SPTA1: variants seen among roughly 807,000 people sequenced by gnomAD.
SPTA1 encodes spectrin alpha, erythrocytic 1.
SPTA1 carries 177 observed loss-of-function variants against 324.7 expected under a neutral mutation model. The ratio of observed to expected loss-of-function variants is 0.55; its 90% CI spans 0.48 to 0.62. The LOEUF (loss-of-function observed/expected upper bound fraction) is 0.62, where lower values mean the gene tolerates loss of function less well. SPTA1 is among the 20% of genes least tolerant of loss of function. SPTA1 has a pLI of 0.00. For synonymous variants in SPTA1, 1,195 were observed against 1,041.3 expected, an observed-to-expected ratio of 1.15 and a Z score of -2.84; for missense variants, 3,162 against 2,883.6, an observed-to-expected ratio of 1.10 and a Z score of -2.21.
At chr1:158,635,851 C>T (rs1333085047) in intron 38 of SPTA1, 62 bp downstream of exon 38, 1 of 1,613,046 alleles carries the variant, frequency 6.2e-7, no homozygotes, top group East Asian at 2.2e-5. Flanking sequence ...TAAGTATCCT[C>T]CCAACACCTG....
Position 158,676,058 on chromosome 1 carries a change from C to T in SPTA1, c.1112+83G>A, listed in dbSNP as rs1029971343. The T allele has an allele frequency of 6.9e-6, 11 of 1,584,158 alleles. No individual in the cohort carries two copies. In the Admixed American group the frequency reaches 1.8e-4, roughly 27 times the overall value. ...GAGCTGATTCTCTCGCTATTTGACT[C>T]CCTTTACTCTTATTTCTTCTCTCGC... On this transcript the variant is annotated intron_variant, in intron 8 of 51. Coordinates refer to ENST00000643759, the MANE Select transcript of SPTA1 (RefSeq NM_003126.4).
At chr1:158,634,698 A>T in intron 38 of SPTA1, 23 bp from the exon 39 acceptor site, 1 of 1,613,864 alleles carries the variant, frequency 6.2e-7, no homozygotes, top group Non-Finnish European at 8.5e-7. Context: ...GGCAAGCCCC[A>T]GTGAGGATAA....
intron 15 of SPTA1, among the ~76,000 whole-genome samples, chr1:158,667,581 A>C (rs1653699983): frequency 6.6e-6 from 1 of 152,216 alleles, no homozygotes; most frequent in Non-Finnish European, 1.5e-5. Flanking sequence ...GAAAAAAGTG[A>C]GGAAAACAAA....
At chr1:158,618,236 C>T (rs1649697773) in intron 45 of SPTA1, 180 bp from the exon 46 acceptor site, 1 of 639,648 alleles carries the variant, frequency 1.6e-6, no homozygotes, top group African/African-American at 1.8e-5. Context: ...CTGAGAAGAT[C>T]AGAGTCTCCC....
rs1362086573 is a variant in SPTA1, at chr1:158,620,330, T to C, written c.6257A>G (p.Glu2086Gly). The C allele has an allele frequency of 2.5e-6, 4 of 1,613,992 alleles. No homozygotes were observed. Among genetic ancestry groups the C allele is most frequent in the Non-Finnish European group, 1.7e-6 (2 of 1,180,030 alleles). Residue 2086 changes from glutamate (E) to glycine (G), a missense_variant, in exon 44 of 52, where the codon GAG becomes GGG. Glu to Gly is a moderately conservative substitution (Grantham distance 98). Transcript: ENST00000643759. ...CCTAGCCAGGGAGGCCAAGAAGTCCTCATGGTCTTTCTGCAGCTGCCGAAT... is the reference window on the plus strand; with the variant it reads ...CCTAGCCAGGGAGGCCAAGAAGTCCCCATGGTCTTTCTGCAGCTGCCGAAT... ...NEIRQLQKDHEDFLASLARAQ... is the reference protein window; with the variant it reads ...NEIRQLQKDHGDFLASLARAQ...
chr1:158,651,981 A>G (rs573202060), intron 23 of SPTA1, among the ~76,000 whole-genome samples: 68 of 152,042 alleles, frequency 4.5e-4, no homozygotes, highest in Non-Finnish European at 7.4e-4. Context: ...GAAAAGAAGG[A>G]ATGTACACTC....
intron 25 of SPTA1, among the ~76,000 whole-genome samples, chr1:158,648,986 C>A (rs1652213025): frequency 1.3e-5 from 2 of 152,150 alleles, no homozygotes; most frequent in African/African-American, 4.8e-5. Flanking sequence ...ACATGCTTAA[C>A]CATCATATTT....
chr1:158,612,162 G>A (rs1649295218), intron 51 of SPTA1: 1 of 154,914 alleles, frequency 6.5e-6, no homozygotes, highest in Non-Finnish European at 1.4e-5. Flanking sequence ...TTAGGTATTA[G>A]GAAAATCTGT....
chr1:158,664,041 TA>T (rs34620822), intron 16 of SPTA1, among the ~76,000 whole-genome samples: 49,344 of 151,962 alleles, frequency 0.32, 11,186 homozygotes, highest in African/African-American at 0.65. Flanking sequence ...CACTTCTCCA[TA>T]AAAAAATTAA....
At position 158,649,859 on chromosome 1, in the gene SPTA1, T is replaced by C. The variant is rs1234350008; in HGVS notation, c.3566A>G (p.His1189Arg). The C allele has an allele frequency of 6.2e-7, 1 of 1,613,150 alleles. No homozygotes were observed. The highest frequency in any genetic ancestry group is 8.5e-7 in the Non-Finnish European group (1 of 1,179,304). ...LGSAHAVEVF[H>R]READDTKEQI... Reference sequence around the variant, plus strand: ...TTTTTAGAGTTATAATTATTACCTGTGAAACACTTCAACAGCATGGGCACT... The same window carrying C: ...TTTTTAGAGTTATAATTATTACCTGCGAAACACTTCAACAGCATGGGCACT... The change falls in exon 25 of 52, where the codon CAC (histidine) becomes CGC (arginine). Residue 1189 changes from histidine to arginine, a missense_variant. Physicochemically the swap from His to Arg is conservative, Grantham distance 29. Coordinates refer to ENST00000643759, the MANE Select transcript of SPTA1 (RefSeq NM_003126.4).
In SPTA1 at chr1:158,681,554, A is replaced by G; in HGVS notation, c.504T>C (p.Ala168=). 3 of 1,613,762 alleles carry G rather than the reference A, an allele frequency of 1.9e-6. No individual in the cohort carries two copies. Among genetic ancestry groups the G allele is most frequent in the African/African-American group, 1.3e-5 (1 of 75,016 alleles). Residue 168 remains alanine, a synonymous_variant, in exon 4 of 52, where the codon GCT becomes GCC. Coordinates refer to ENST00000643759, the MANE Select transcript of SPTA1 (RefSeq NM_003126.4). ...TGTCTCCAATCCACTCTAAGATGTC[A>G]GCACACTCCTGTACATACTGCTGGA... ...LKFQQYVQEC[A]DILEWIGDKE... is the part of the protein sequence containing the mutation.
intron 6 of SPTA1, 124 bp downstream of exon 6, chr1:158,678,277 T>C (rs1654538521): frequency 1.5e-6 from 2 of 1,322,818 alleles, no homozygotes; most frequent in African/African-American, 2.9e-5. Context: ...GGCAAGTACA[T>C]GATCCACTTT....
At chr1:158,678,112 T>G (rs539696413) in intron 6 of SPTA1, among the ~76,000 whole-genome samples, 1 of 152,248 alleles carries the variant, frequency 6.6e-6, no homozygotes, top group South Asian at 2.1e-4. Flanking sequence ...AACTCCACCT[T>G]CCATTTAATT....
chr1:158,660,690 T>G (rs1385237825), intron 18 of SPTA1, among the ~76,000 whole-genome samples: 3 of 152,240 alleles, frequency 2.0e-5, no homozygotes, highest in African/African-American at 7.2e-5. Flanking sequence ...AACTAGATAC[T>G]GGTTGGCATC....
chr1:158,661,484 T>C, intron 17 of SPTA1, 75 bp from the exon 18 acceptor site: 1 of 1,595,862 alleles, frequency 6.3e-7, no homozygotes, highest in Non-Finnish European at 8.6e-7. Flanking sequence ...TTTTTAGAAC[T>C]CTTGGACCCA....
intron 1 of SPTA1, among the ~76,000 whole-genome samples, chr1:158,686,041 G>A (rs1655148898): frequency 1.3e-5 from 2 of 152,166 alleles, no homozygotes; most frequent in South Asian, 4.1e-4. Flanking sequence ...ACAATATCCA[G>A]CAAAATCACC....
At chr1:158,638,426 G>A (rs1199404155) in intron 35 of SPTA1, among the ~76,000 whole-genome samples, 185 bp from the exon 36 acceptor site, 7 of 152,112 alleles carry the variant, frequency 4.6e-5, no homozygotes, top group Admixed American at 2.0e-4. Flanking sequence ...ATGTGGGAGC[G>A]ATAGAGGTAG....
At chr1:158,643,861 G>A (rs1331700433) in intron 30 of SPTA1, among the ~76,000 whole-genome samples, 2 of 152,126 alleles carry the variant, frequency 1.3e-5, no homozygotes, top group African/African-American at 2.4e-5. Flanking sequence ...TCAGGGCTGG[G>A]CACGGTGGCT....
At position 158,647,596 on chromosome 1, in the gene SPTA1, T is replaced by C. The variant is rs200890386; in HGVS notation, c.3839A>G (p.Asp1280Gly). 425 of 1,613,742 alleles carry C rather than the reference T, an allele frequency of 2.6e-4. No individual in the cohort carries two copies. Among genetic ancestry groups the C allele is most frequent in the Non-Finnish European group, 3.4e-4 (406 of 1,179,918 alleles). The change falls in exon 27 of 52, where the codon GAT (aspartate) becomes GGT (glycine). Residue 1280 changes from aspartate to glycine, a missense_variant. Asp to Gly is a moderately conservative substitution (Grantham distance 94). Coordinates refer to ENST00000643759, the MANE Select transcript of SPTA1 (RefSeq NM_003126.4). ...GGCCTCATTTAGGCTCTCCTTACGA[T>C]CCTTTGTACGCCCCTGCAGGTCTTC... ...AWEDLQGRTK[D>G]RKESLNEAQK...
Sources: allele counts gnomAD v4.1 joint callset (sites outside exome capture counted in the v4.1 genomes callset), GRCh38; gene constraint gnomAD v4.1.1; transcripts MANE v1.5; gene names NCBI Gene and HGNC (gene_info 2026-07-23, HGNC 2026-07-21).